The following FERRY3 variants were observed in gnomAD, a reference collection of about 807,000 sequenced individuals.
FERRY3 encodes the protein FERRY endosomal RAB5 effector complex subunit 3.
the FERRY3 span, chr12:4,533,942 A>T: frequency 2.6e-6 from 1 of 391,042 alleles, no homozygotes; most frequent in East Asian, 4.1e-5. Context: ...ATATGCAAGT[A>T]GCCTCTTGTT....
At chr12:4,511,994 A>T in the FERRY3 span, among the ~76,000 whole-genome samples, 1 of 114,064 alleles carries the variant, frequency 8.8e-6, no homozygotes, top group African/African-American at 3.8e-5. Flanking sequence ...GACCGCTAGC[A>T]AGACTAATAA....
the FERRY3 span, among the ~76,000 whole-genome samples, chr12:4,513,421 A>G: frequency 6.6e-6 from 1 of 151,552 alleles, no homozygotes. Flanking sequence ...ACCAAAAAAG[A>G]GCCCGCATCG....
chr12:4,513,852 A>G, the FERRY3 span, among the ~76,000 whole-genome samples: 2 of 152,140 alleles, frequency 1.3e-5, no homozygotes, highest in African/African-American at 4.8e-5. Context: ...TTCATGTCCA[A>G]AACACCAAAA....
At chr12:4,510,446 G>C in the FERRY3 span, among the ~76,000 whole-genome samples, 3,373 of 122,400 alleles carry the variant, frequency 0.028, 157 homozygotes, top group East Asian at 0.18. Flanking sequence ...ATAATTGTCA[G>C]ATTCACCAAA....
At chr12:4,536,669 G>A in the FERRY3 span, among the ~76,000 whole-genome samples, 1 of 152,142 alleles carries the variant, frequency 6.6e-6, no homozygotes, top group African/African-American at 2.4e-5. Context: ...ACTGGGGGAA[G>A]GGGAGTAAGA....
At chr12:4,525,247 T>G in the FERRY3 span, 1 of 1,612,656 alleles carries the variant, frequency 6.2e-7, no homozygotes, top group Non-Finnish European at 8.5e-7. Flanking sequence ...CAATACATAG[T>G]TAATACCTAA....
the FERRY3 span, chr12:4,534,115 C>A: frequency 6.6e-7 from 1 of 1,514,406 alleles, no homozygotes; most frequent in Non-Finnish European, 8.8e-7. Flanking sequence ...TCACCAAAAT[C>A]CAGAATATCC....
chr12:4,535,956 C>T, the FERRY3 span: 1 of 1,345,384 alleles, frequency 7.4e-7, no homozygotes, highest in South Asian at 1.8e-5. The surrounding 1 kb of genome is among the most constrained non-coding windows in gnomAD (Gnocchi z 4.0). Flanking sequence ...TATGAAACTT[C>T]CAATGACAGA....
the FERRY3 span, among the ~76,000 whole-genome samples, chr12:4,492,584 A>C: frequency 6.6e-6 from 1 of 152,152 alleles, no homozygotes; most frequent in Non-Finnish European, 1.5e-5. Context: ...ATACCTTAGG[A>C]CCACTCCTTT....
At chr12:4,514,422 T>C in the FERRY3 span, among the ~76,000 whole-genome samples, 1 of 152,124 alleles carries the variant, frequency 6.6e-6, no homozygotes, top group Admixed American at 6.5e-5. Context: ...CTATAAATCA[T>C]GCTGCTATAA....
the FERRY3 span, among the ~76,000 whole-genome samples, chr12:4,501,273 C>T: frequency 6.6e-6 from 1 of 152,198 alleles, no homozygotes; most frequent in Non-Finnish European, 1.5e-5. Flanking sequence ...TTACTCCCTA[C>T]TTGTCCACCT....
chr12:4,488,675 GTT>G, the FERRY3 span: 3 of 152,130 alleles, frequency 2.0e-5, no homozygotes, highest in Admixed American at 6.5e-5. The surrounding 1 kb of genome is among the most constrained non-coding windows in gnomAD (Gnocchi z 4.9). Context: ...AATGAAGGGC[GTT>G]TTGTTTCTTG....
chr12:4,508,349 A>G, the FERRY3 span, among the ~76,000 whole-genome samples: 2 of 152,250 alleles, frequency 1.3e-5, no homozygotes, highest in African/African-American at 2.4e-5. Context: ...AGAAAAAAGC[A>G]TTCAAAAGTA....
chr12:4,508,327 CAAAGA>C, the FERRY3 span, among the ~76,000 whole-genome samples: 35 of 152,074 alleles, frequency 2.3e-4, no homozygotes, highest in African/African-American at 8.0e-4. Flanking sequence ...CAGGTGCAAA[CAAAGA>C]AAAGAAAGAA....
At chr12:4,503,074 T>C in the FERRY3 span, among the ~76,000 whole-genome samples, 1 of 152,198 alleles carries the variant, frequency 6.6e-6, no homozygotes. Flanking sequence ...ATGGAAGTCA[T>C]AGCTTGAGAT....
At chr12:4,525,380 AAGAAAC>A in the FERRY3 span, 7 of 1,612,878 alleles carry the variant, frequency 4.3e-6, no homozygotes. Context: ...TAGGTCCTAA[AAGAAAC>A]AGTATACCAA....
chr12:4,518,652 G>T, the FERRY3 span: 2 of 646,952 alleles, frequency 3.1e-6, no homozygotes, highest in South Asian at 5.0e-5. Flanking sequence ...GAGCCCAGGG[G>T]TTCAAGACCA....
At chr12:4,504,175 T>A in the FERRY3 span, among the ~76,000 whole-genome samples, 1 of 152,202 alleles carries the variant, frequency 6.6e-6, no homozygotes, top group Non-Finnish European at 1.5e-5. Flanking sequence ...GGTACAATAT[T>A]GGCTTAGGTT....
the FERRY3 span, chr12:4,517,236 A>G: frequency 1.4e-6 from 2 of 1,446,128 alleles, no homozygotes; most frequent in East Asian, 2.6e-5. Context: ...GAACTATCAA[A>G]TATTTAGTAT....
Sources: gnomAD v4.1 joint callset for allele counts (sites outside exome capture counted in the v4.1 genomes callset) on GRCh38, gnomAD v4.1.1 for gene constraint, Gnocchi (gnomAD v3.1) non-coding constraint, MANE v1.5 for transcripts, NCBI Gene and HGNC (gene_info 2026-07-23, HGNC 2026-07-21) for gene names.